The following SLC44A3 variants were observed in gnomAD, a reference collection of about 807,000 sequenced individuals.
SLC44A3 encodes the protein choline transporter-like protein 3.
In SLC44A3, 74 loss-of-function variants were observed where a neutral mutation model predicts 75.4. That is an observed-to-expected ratio of 0.98 (90% CI 0.81 to 1.19). The LOEUF (loss-of-function observed/expected upper bound fraction) is 1.19. Ranked by LOEUF, SLC44A3 falls within the 50% of genes most tolerant of loss-of-function variation. The pLI is 0.00. For synonymous variants in SLC44A3, 310 were observed against 296.9 expected, an observed-to-expected ratio of 1.04 and a Z score of -0.45; for missense variants, 700 against 778.6, an observed-to-expected ratio of 0.90 and a Z score of 1.20.
intron 3 of SLC44A3, among the ~76,000 whole-genome samples, chr1:94,826,637 CAAAAAA>C (rs34931563): frequency 7.8e-6 from 1 of 127,990 alleles, no homozygotes; most frequent in Non-Finnish European, 1.7e-5. Context: ...GACTCTGTCT[CAAAAAA>C]AAAAAAAAAG....
intron 4 of SLC44A3, 152 bp downstream of exon 4, chr1:94,827,795 G>A (rs1270528757): frequency 1.6e-5 from 15 of 921,664 alleles, no homozygotes; most frequent in South Asian, 1.1e-4. Flanking sequence ...AAGGCCGTAA[G>A]CATTTTCTCT....
chr1:94,839,853 T>C (rs1403385142), intron 6 of SLC44A3, 95 bp from the exon 7 acceptor site: 5 of 844,380 alleles, frequency 5.9e-6, no homozygotes, highest in Non-Finnish European at 1.0e-5. Flanking sequence ...TCCTCAGCCG[T>C]CACTGTTCTG....
At chr1:94,863,068 C>CT (rs990182965) in intron 10 of SLC44A3, among the ~76,000 whole-genome samples, 6 of 151,794 alleles carry the variant, frequency 4.0e-5, no homozygotes, top group Non-Finnish European at 7.4e-5. Context: ...CTTCATTAGC[C>CT]TTTTTTTTCT....
At chr1:94,865,049 C>A in intron 11 of SLC44A3, 150 bp downstream of exon 11, 1 of 642,812 alleles carries the variant, frequency 1.6e-6, no homozygotes, top group Non-Finnish European at 2.5e-6. Flanking sequence ...TCCCATCCCC[C>A]GCCTCTCCCA....
chr1:94,891,010 G>A (rs1670144641), intron 12 of SLC44A3, 120 bp from the exon 13 acceptor site: 1 of 750,192 alleles, frequency 1.3e-6, no homozygotes, highest in East Asian at 2.7e-5. Flanking sequence ...AATGGTATTT[G>A]TTATGGGTAG....
At chr1:94,874,768 A>G (rs1668106421) in intron 12 of SLC44A3, among the ~76,000 whole-genome samples, 1 of 152,140 alleles carries the variant, frequency 6.6e-6, no homozygotes. Context: ...TATTTTTTAA[A>G]CAGATGATAA....
rs183721087 is a variant in SLC44A3, at chr1:94,831,109, C to T, written c.509+2523C>T. On this transcript the variant is annotated intron_variant, in intron 5 of 14. Coordinates refer to ENST00000271227, the MANE Select transcript of SLC44A3 (RefSeq NM_001114106.3). ...GTGAGTGGCCTTCCTAGACTCACAT[C>T]AAGCTGGGAGAAAGAGTCTCCGTAT... Among the ~76,000 whole-genome samples, 165 of 152,282 alleles carry T rather than the reference C, an allele frequency of 1.1e-3. 1 individual carries two copies. The highest frequency in any genetic ancestry group is 3.8e-3 in the African/African-American group (156 of 41,560).
intron 12 of SLC44A3, chr1:94,888,663 T>C: frequency 1.0e-6 from 1 of 984,906 alleles, no homozygotes; most frequent in Non-Finnish European, 1.2e-6. Flanking sequence ...TGCAGGAAAT[T>C]CATCTGACGT....
chr1:94,892,811 C>CAGTA (rs1294860643), intron 14 of SLC44A3, among the ~76,000 whole-genome samples: 5 of 152,208 alleles, frequency 3.3e-5, no homozygotes, highest in African/African-American at 1.2e-4. Flanking sequence ...GTCCTGAACA[C>CAGTA]AGTAGTTCAG....
chr1:94,820,369 G>A lies in SLC44A3; in HGVS notation c.-83G>A, dbSNP rs542959435. 1 of 1,199,500 alleles carries A rather than the reference G, an allele frequency of 8.3e-7. No individual in the cohort carries two copies. Among genetic ancestry groups the A allele is most frequent in the East Asian group, 4.4e-5 (1 of 22,760 alleles). The allele number at this position is 1,199,500 out of a possible 1,614,324, so 74.3% of individuals were successfully genotyped here. ...CAGCCCCAGCCCCAGCCCCGGCCCC[G>A]GCCCCGGCTCGCGGGCGCTGCGTCT... On this transcript the variant is annotated 5_prime_UTR_variant, in exon 1 of 15. Transcript: ENST00000271227.
chr1:94,821,340 C>T (rs1660555920), intron 2 of SLC44A3, among the ~76,000 whole-genome samples: 2 of 152,198 alleles, frequency 1.3e-5, no homozygotes, highest in Non-Finnish European at 2.9e-5. Flanking sequence ...TCCTTTTACT[C>T]TCCGAACTTA....
At chr1:94,874,940 A>T (rs1017032554) in intron 12 of SLC44A3, among the ~76,000 whole-genome samples, 8 of 152,238 alleles carry the variant, frequency 5.3e-5, no homozygotes, top group Non-Finnish European at 1.2e-4. Context: ...GATGAAGATT[A>T]AAAATATCAC....
At position 94,889,856 on chromosome 1, in the gene SLC44A3, C is replaced by CT. The variant is rs1198019433; in HGVS notation, c.1483-1263dup. Among the ~76,000 whole-genome samples, 468 of 147,050 alleles carry CT rather than the reference C, an allele frequency of 3.2e-3. 2 individuals carry two copies. Among genetic ancestry groups the CT allele is most frequent in the African/African-American group, 0.01 (422 of 40,340 alleles). On this transcript the variant is annotated intron_variant, in intron 12 of 14. Transcript: ENST00000271227. ...TACACTGTATATTTTTTATTTCTAG[C>CT]TTTTTTTTTTTGAGATGGAGTTTCG...
chr1:94,850,096 G>A (rs984634140), intron 9 of SLC44A3, among the ~76,000 whole-genome samples: 2 of 152,076 alleles, frequency 1.3e-5, no homozygotes, highest in African/African-American at 4.8e-5. Flanking sequence ...AAAAAAAATA[G>A]GAGTGAACTT....
At chr1:94,831,113 C>G (rs1662068100) in intron 5 of SLC44A3, among the ~76,000 whole-genome samples, 1 of 152,186 alleles carries the variant, frequency 6.6e-6, no homozygotes, top group African/African-American at 2.4e-5. Context: ...TCACATCAAG[C>G]TGGGAGAAAG....
At chr1:94,875,394 C>T (rs1017825139) in intron 12 of SLC44A3, among the ~76,000 whole-genome samples, 1 of 152,196 alleles carries the variant, frequency 6.6e-6, no homozygotes, top group African/African-American at 2.4e-5. Context: ...GAAACAGCCT[C>T]CCCTCATAAT....
intron 8 of SLC44A3, 141 bp downstream of exon 8, chr1:94,842,265 A>G (rs1413232935): frequency 2.5e-6 from 3 of 1,188,334 alleles, no homozygotes; most frequent in African/African-American, 3.1e-5. Context: ...AGATACCTGT[A>G]TAGGGATAAT....
At chr1:94,833,691 A>C (rs1355186195) in intron 5 of SLC44A3, among the ~76,000 whole-genome samples, 1 of 152,128 alleles carries the variant, frequency 6.6e-6, no homozygotes, top group Non-Finnish European at 1.5e-5. Flanking sequence ...AAGCTCTCTG[A>C]GTTTTCCATG....
chr1:94,874,478 T>A (rs1668072152), intron 12 of SLC44A3, among the ~76,000 whole-genome samples: 1 of 152,248 alleles, frequency 6.6e-6, no homozygotes, highest in Non-Finnish European at 1.5e-5. Context: ...CTGAAGTGCT[T>A]CCTGACATGA....
Sources: allele counts gnomAD v4.1 joint callset (sites outside exome capture counted in the v4.1 genomes callset), GRCh38; gene constraint gnomAD v4.1.1; transcripts MANE v1.5; gene names NCBI Gene and HGNC (gene_info 2026-07-23, HGNC 2026-07-21).